Variants in UFSP2 observed in about 807,000 individuals in gnomAD.
The protein encoded by UFSP2 is ufm1-specific protease 2.
A neutral mutation model predicts 60.2 loss-of-function variants in UFSP2; 43 were observed. That is an observed-to-expected ratio of 0.71 (90% CI 0.56 to 0.92). UFSP2 has a LOEUF of 0.92. Ranked by LOEUF, UFSP2 falls within the 40% of genes least tolerant of loss-of-function variation. The probability of loss-of-function intolerance (pLI) is 0.00; values close to 1 mark genes in which losing one functional copy is unlikely to be tolerated. For synonymous variants in UFSP2, 183 were observed against 195.1 expected, an observed-to-expected ratio of 0.94 and a Z score of 0.52; for missense variants, 520 against 575.0, an observed-to-expected ratio of 0.90 and a Z score of 0.98.
chr4:185,415,278 A>AT lies in UFSP2; in HGVS notation c.560dup (p.Tyr187Ter), dbSNP rs756893960. Residue 187 changes from tyrosine (Y) to a stop codon, truncating the protein, a stop_gained and frameshift_variant, in exon 6 of 12, where the codon TAT becomes TAAT. Coordinates refer to ENST00000264689, the MANE Select transcript of UFSP2 (RefSeq NM_018359.5). LOFTEE classifies it high-confidence loss of function. ...GGACCACAATAGATGTTCCTTTCAT[A>AT]TATTTCAAAATACATTTTTCCATGT... is the stretch of plus-strand genomic sequence containing the variant. The part of the protein sequence containing the change: ...LTDMEKCILK[Y>*]MKGTSIVVPE... The AT allele has an allele frequency of 1.2e-6, 2 of 1,600,890 alleles. No individual in the cohort carries two copies. Among genetic ancestry groups the AT allele is most frequent in the East Asian group, 4.5e-5 (2 of 44,626 alleles).
intron 11 of UFSP2, chr4:185,402,144 C>T: frequency 3.4e-6 from 1 of 293,962 alleles, no homozygotes; most frequent in Non-Finnish European, 6.6e-6. Context: ...CACTCTCCTT[C>T]TCTGTCCTAC....
At chr4:185,401,426 T>G (rs1029910318) in intron 11 of UFSP2, among the ~76,000 whole-genome samples, 2 of 152,244 alleles carry the variant, frequency 1.3e-5, no homozygotes, top group African/African-American at 4.8e-5. Context: ...TTTTTGATCC[T>G]TTTACACATG....
Position 185,400,023 on chromosome 4 carries a change from C to T in UFSP2, c.*369G>A, listed in dbSNP as rs773771129. ...AACGTGTTTTTAAAAACAGATGTCA[C>T]GTGGGTTATGAAGAAGTCTGAAGAA... On this transcript the variant is annotated 3_prime_UTR_variant, in exon 12 of 12. Coordinates refer to ENST00000264689, the MANE Select transcript of UFSP2 (RefSeq NM_018359.5). 2.8e-5 allele frequency: 44 copies of T among 1,599,324 alleles called. 1 individual carries two copies. The South Asian group carries it at 3.4e-4, about 12-fold the overall frequency.
intron 11 of UFSP2, chr4:185,402,238 T>TA (rs769285242): frequency 4.5e-6 from 2 of 446,930 alleles, no homozygotes; most frequent in South Asian, 3.2e-5. Flanking sequence ...CTTTAATAAA[T>TA]ACTGAATGGA....
At chr4:185,417,880 C>A (rs1456238135) in intron 4 of UFSP2, among the ~76,000 whole-genome samples, 1 of 152,056 alleles carries the variant, frequency 6.6e-6, no homozygotes, top group Non-Finnish European at 1.5e-5. Context: ...CCCATCTCTA[C>A]TAAAAATACA....
intron 4 of UFSP2, 38 bp downstream of exon 4, chr4:185,418,403 A>G: frequency 4.7e-6 from 7 of 1,484,284 alleles, no homozygotes; most frequent in Non-Finnish European, 6.5e-6. Flanking sequence ...CAAAGATTTA[A>G]CATTTTTATC....
At chr4:185,412,418 G>A (rs1217865395) in intron 7 of UFSP2, among the ~76,000 whole-genome samples, 4 of 152,136 alleles carry the variant, frequency 2.6e-5, no homozygotes, top group East Asian at 1.9e-4. Context: ...TCTAGGGTAC[G>A]TACTGTATCG....
chr4:185,419,126 T>C (rs1018242050), intron 2 of UFSP2, among the ~76,000 whole-genome samples: 1 of 151,958 alleles, frequency 6.6e-6, no homozygotes, highest in Non-Finnish European at 1.5e-5. Flanking sequence ...CTGATTTACC[T>C]CCTACATCTT....
At chr4:185,421,583 G>T (rs983965855) in intron 2 of UFSP2, among the ~76,000 whole-genome samples, 2 of 152,184 alleles carry the variant, frequency 1.3e-5, no homozygotes, top group African/African-American at 4.8e-5. Flanking sequence ...CTTCCACCAT[G>T]ATTGAAAGTT....
At chr4:185,405,988 T>G in intron 9 of UFSP2, 132 bp from the exon 10 acceptor site, 1 of 1,528,234 alleles carries the variant, frequency 6.5e-7, no homozygotes, top group Non-Finnish European at 8.8e-7. Flanking sequence ...GTAAAAAAAT[T>G]AAGTGTTAGG....
At chr4:185,411,131 T>TA (rs1419406257) in intron 7 of UFSP2, among the ~76,000 whole-genome samples, 47 of 148,896 alleles carry the variant, frequency 3.2e-4, no homozygotes, top group Middle Eastern at 7.0e-3. Context: ...TTTTTTTTTT[T>TA]TAAAAGACAC....
chr4:185,405,938 TTTC>T, intron 9 of UFSP2, 82 bp from the exon 10 acceptor site: 1 of 1,604,322 alleles, frequency 6.2e-7, no homozygotes, highest in Non-Finnish European at 8.5e-7. Flanking sequence ...TGTTTCCTAC[TTTC>T]TTGTTTTTTC....
At chr4:185,415,944 A>T (rs1246173769) in intron 4 of UFSP2, 77 bp from the exon 5 acceptor site, 37 of 1,256,550 alleles carry the variant, frequency 2.9e-5, no homozygotes, top group Non-Finnish European at 3.9e-5. Context: ...AAGACTTTTC[A>T]AAAATGTATT....
At position 185,415,310 on chromosome 4, in the gene UFSP2, G is replaced by A; in HGVS notation, c.529C>T (p.Leu177=). 1 of 1,598,966 alleles carries A rather than the reference G, an allele frequency of 6.3e-7. No individual in the cohort carries two copies. The highest frequency in any genetic ancestry group is 1.1e-5 in the South Asian group (1 of 87,592). The change falls in exon 6 of 12, where the codon CTA becomes TTA. Residue 177 remains leucine, a synonymous_variant. Transcript: ENST00000264689. ...AAAATACATTTTTCCATGTCAGTTA[G>A]TTGATTATGAATTGCATCAACCAGG... ...KLLVDAIHNQ[L]TDMEKCILKY... is the part of the protein sequence containing the mutation.
At chr4:185,413,645 A>G (rs73873445) in intron 7 of UFSP2, 81 bp downstream of exon 7, 63,688 of 1,299,218 alleles carry the variant, frequency 0.049, 2,474 homozygotes, top group African/African-American at 0.17. Context: ...TAATGAATCA[A>G]GTCTCCTACT....
At chr4:185,412,448 C>G (rs1322105387) in intron 7 of UFSP2, among the ~76,000 whole-genome samples, 1 of 152,018 alleles carries the variant, frequency 6.6e-6, no homozygotes, top group Non-Finnish European at 1.5e-5. Context: ...TTTTTTAATT[C>G]TTAAGATTTC....
At chr4:185,422,458 TAAA>T in intron 2 of UFSP2, 24 bp downstream of exon 2, 2 of 1,559,976 alleles carry the variant, frequency 1.3e-6, no homozygotes, top group Non-Finnish European at 1.7e-6. Context: ...AATTTTCTAA[TAAA>T]AAAGAATTTT....
At position 185,415,776 on chromosome 4, in the gene UFSP2, TG is replaced by T; in HGVS notation, c.424del (p.His142IlefsTer5). The T allele has an allele frequency of 6.2e-7, 1 of 1,613,848 alleles. No individual in the cohort carries two copies. Among genetic ancestry groups the T allele is most frequent in the Non-Finnish European group, 8.5e-7 (1 of 1,179,756 alleles). ...GACAGGTAAAGTCATATTAACATAA[TG>T]GTGTCCTCCGCTTTCCCTTTCAATG... Reference protein sequence around the residue: ...PIIERESGGHHYVNMTLPVDA... With the variant: ...PIIERESGGHXYVNMTLPVDA... On this transcript the variant is annotated frameshift_variant, in exon 5 of 12. Coordinates refer to ENST00000264689, the MANE Select transcript of UFSP2 (RefSeq NM_018359.5). LOFTEE classifies it high-confidence loss of function.
At position 185,399,901 on chromosome 4, in the gene UFSP2, G is replaced by T. The variant is rs1399470729; in HGVS notation, c.*491C>A. Reference sequence around the variant, plus strand: ...TTGTTTCATTCTCATTAACATTTTAGTACTGGTTATACTTACCAGAGTCTA... The same window carrying T: ...TTGTTTCATTCTCATTAACATTTTATTACTGGTTATACTTACCAGAGTCTA... On this transcript the variant is annotated 3_prime_UTR_variant, in exon 12 of 12. Coordinates refer to ENST00000264689, the MANE Select transcript of UFSP2 (RefSeq NM_018359.5). 96 of 1,541,524 alleles carry T rather than the reference G, an allele frequency of 6.2e-5. No individual in the cohort carries two copies. Among genetic ancestry groups the T allele is most frequent in the Non-Finnish European group, 7.9e-5 (90 of 1,145,870 alleles).
Sources: allele counts gnomAD v4.1 joint callset (sites outside exome capture counted in the v4.1 genomes callset), GRCh38; gene constraint gnomAD v4.1.1; transcripts MANE v1.5; gene names NCBI Gene and HGNC (gene_info 2026-07-23, HGNC 2026-07-21).